Variants in PARD3B observed in about 807,000 individuals in gnomAD.
PARD3B encodes the protein partitioning defective 3 homolog B.
In PARD3B, 103 loss-of-function variants were observed where a neutral mutation model predicts 130.2. That is an observed-to-expected ratio of 0.79 (90% CI 0.67 to 0.93). PARD3B has a LOEUF of 0.93. Among genes scored for constraint, PARD3B ranks in the 40% least tolerant of loss-of-function variants. The pLI is 0.00. For missense variants in PARD3B, 1,609 were observed against 1,499.2 expected (o/e 1.07, Z -1.21); for synonymous variants, 583 against 553.2 (o/e 1.05, Z -0.76).
intron 2 of PARD3B, among the ~76,000 whole-genome samples, chr2:204,840,534 T>C (rs2044220955): frequency 9.6e-6 from 1 of 104,404 alleles, no homozygotes; most frequent in African/African-American, 5.3e-5. Flanking sequence ...GAATTTGTCC[T>C]TTTTTTTTTT....
chr2:205,297,203 T>A (rs1399948529), intron 16 of PARD3B, among the ~76,000 whole-genome samples: 2 of 152,026 alleles, frequency 1.3e-5, no homozygotes, highest in Non-Finnish European at 2.9e-5. Flanking sequence ...TTGGCTGAGG[T>A]TTTGATTTTG....
At chr2:205,491,944 T>C (rs1162601068) in intron 20 of PARD3B, among the ~76,000 whole-genome samples, 1 of 152,156 alleles carries the variant, frequency 6.6e-6, no homozygotes, top group African/African-American at 2.4e-5. Flanking sequence ...GATTATAGTC[T>C]GAGCTGATGT....
intron 16 of PARD3B, among the ~76,000 whole-genome samples, chr2:205,254,878 A>C (rs2040010118): frequency 6.6e-6 from 1 of 151,126 alleles, no homozygotes; most frequent in Non-Finnish European, 1.5e-5. Context: ...GTTGGTCAGG[A>C]TGGTCTCGAT....
In PARD3B at chr2:205,242,077, G is replaced by A. The variant is rs150777684; in HGVS notation, c.2141-3701G>A. On this transcript the variant is annotated intron_variant, in intron 15 of 22. Coordinates refer to ENST00000406610, the MANE Select transcript of PARD3B (RefSeq NM_001302769.2). ...CCAAATTTAACCTTTTAAATAAAAT[G>A]TATTCTATCAATTAAGTCATTATAG... 4.2e-3 allele frequency among the ~76,000 whole-genome samples: 636 copies of A among 152,122 alleles called. 3 individuals carry two copies. Among genetic ancestry groups the A allele is most frequent in the African/African-American group, 0.014 (594 of 41,526 alleles).
At position 205,287,537 on chromosome 2, in the gene PARD3B, T is replaced by C. The variant is rs1338612279; in HGVS notation, c.2186-12993T>C. Among the ~76,000 whole-genome samples the C allele has an allele frequency of 6.6e-6, 1 of 152,150 alleles. No homozygotes were observed. The highest frequency in any genetic ancestry group is 2.4e-5 in the African/African-American group (1 of 41,432). On this transcript the variant is annotated intron_variant, in intron 16 of 22. Coordinates refer to ENST00000406610, the MANE Select transcript of PARD3B (RefSeq NM_001302769.2). The surrounding 1 kb of genome is among the most constrained non-coding windows in gnomAD (Gnocchi z 4.8). ...TTAGTTCTAGTTAGCCCTGTGTGTG[T>C]CAGTAGCTGTCCCAGAGCTCACCAG...
chr2:204,698,599 G>A (rs2037730277), intron 2 of PARD3B, among the ~76,000 whole-genome samples: 1 of 151,612 alleles, frequency 6.6e-6, no homozygotes, highest in African/African-American at 2.4e-5. Flanking sequence ...CATCTATTAA[G>A]ATGTGTTTGT....
intron 2 of PARD3B, among the ~76,000 whole-genome samples, chr2:204,827,865 G>A (rs1225029831): frequency 1.3e-5 from 2 of 152,318 alleles, no homozygotes; most frequent in East Asian, 1.9e-4. Context: ...ATAAATATCT[G>A]ACTGGATGAC....
intron 2 of PARD3B, among the ~76,000 whole-genome samples, chr2:204,920,362 A>G (rs2047625417): frequency 6.6e-6 from 1 of 152,172 alleles, no homozygotes; most frequent in African/African-American, 2.4e-5. Flanking sequence ...TTCCCCTCAG[A>G]GTTTTCAAGA....
rs1345773157 is a variant in PARD3B at position 205,281,444 on chromosome 2, T to C, written c.2186-19086T>C. Among the ~76,000 whole-genome samples, 1 of 152,120 alleles carries C rather than the reference T, an allele frequency of 6.6e-6. No individual in the cohort carries two copies. Among genetic ancestry groups the C allele is most frequent in the Admixed American group, 6.5e-5 (1 of 15,268 alleles). On this transcript the variant is annotated intron_variant, in intron 16 of 22. Coordinates refer to ENST00000406610, the MANE Select transcript of PARD3B (RefSeq NM_001302769.2). The surrounding 1 kb of genome is among the most constrained non-coding windows in gnomAD (Gnocchi z 4.2). ...ACACAAAAGTTCTCTGAAAACGAAG[T>C]TGAAAGAAAGAGACCTTGTTCCAGT...
intron 2 of PARD3B, among the ~76,000 whole-genome samples, chr2:204,708,378 TAGA>T (rs2125293430): frequency 6.6e-6 from 1 of 152,318 alleles, no homozygotes; most frequent in Non-Finnish European, 1.5e-5. Context: ...ATATTTCATA[TAGA>T]AGAACTAATA....
At chr2:204,743,835 G>C (rs1308692714) in intron 2 of PARD3B, among the ~76,000 whole-genome samples, 1 of 152,140 alleles carries the variant, frequency 6.6e-6, no homozygotes, top group African/African-American at 2.4e-5. Flanking sequence ...AGTGGATGCT[G>C]ACATTTCAGA....
rs763194487 is a variant in PARD3B, at chr2:205,122,992, A to T, written c.1165+1043A>T. Among the ~76,000 whole-genome samples the T allele has an allele frequency of 5.9e-5, 9 of 152,234 alleles. No individual in the cohort carries two copies. Among genetic ancestry groups the T allele is most frequent in the Non-Finnish European group, 1.0e-4 (7 of 68,028 alleles). On this transcript the variant is annotated intron_variant, in intron 8 of 22. Coordinates refer to ENST00000406610, the MANE Select transcript of PARD3B (RefSeq NM_001302769.2). This position sits in a 1 kb window ranked among gnomAD's most constrained non-coding sequence, Gnocchi z 4.3. The stretch of plus-strand genomic sequence containing the variant: ...GTAAGACACAGATTTGGGTGTTTTG[A>T]ATATAGAAAAATGAATCAGACACAG...
At chr2:204,872,732 A>C (rs2045676762) in intron 2 of PARD3B, among the ~76,000 whole-genome samples, 1 of 152,216 alleles carries the variant, frequency 6.6e-6, no homozygotes, top group South Asian at 2.1e-4. Context: ...TATTTGGGTA[A>C]TTATATGAAT....
At chr2:205,571,625 A>G (rs2053564203) in intron 22 of PARD3B, among the ~76,000 whole-genome samples, 1 of 152,230 alleles carries the variant, frequency 6.6e-6, no homozygotes, top group Admixed American at 6.5e-5. Context: ...CTAGAGCAGG[A>G]CTAACAGGGT....
intron 18 of PARD3B, among the ~76,000 whole-genome samples, chr2:205,386,001 A>T (rs1207865714): frequency 6.6e-6 from 1 of 152,204 alleles, no homozygotes. Context: ...AATAGAAATC[A>T]CTGGCTCATG....
chr2:205,403,509 G>C (rs1216655046), intron 19 of PARD3B, among the ~76,000 whole-genome samples: 2 of 149,906 alleles, frequency 1.3e-5, no homozygotes, highest in Non-Finnish European at 2.9e-5. Context: ...ATTATCCAAA[G>C]AGGCAGGAAA....
intron 19 of PARD3B, among the ~76,000 whole-genome samples, chr2:205,417,086 C>CA (rs2106076671): frequency 8.8e-6 from 1 of 113,310 alleles, no homozygotes; most frequent in Admixed American, 1.1e-4. Flanking sequence ...CCCCTCCCCC[C>CA]ACCCCCCGGC....
At chr2:205,344,662 A>AGG (rs2043682048) in intron 18 of PARD3B, among the ~76,000 whole-genome samples, 1 of 152,206 alleles carries the variant, frequency 6.6e-6, no homozygotes. Flanking sequence ...GTTCTCACCC[A>AGG]GGGGTACATA....
intron 4 of PARD3B, among the ~76,000 whole-genome samples, chr2:205,063,849 G>A (rs376800370): frequency 1.3e-5 from 2 of 152,132 alleles, no homozygotes; most frequent in Non-Finnish European, 2.9e-5. Context: ...GGGTAGTAAA[G>A]CATGTAGGTA....
Sources: gnomAD v4.1 joint callset for allele counts (sites outside exome capture counted in the v4.1 genomes callset) on GRCh38, gnomAD v4.1.1 for gene constraint, Gnocchi (gnomAD v3.1) non-coding constraint, MANE v1.5 for transcripts, NCBI Gene and HGNC (gene_info 2026-07-23, HGNC 2026-07-21) for gene names.